Variants in GFPT1 observed in about 807,000 individuals in gnomAD.
GFPT1 encodes the protein glutamine--fructose-6-phosphate aminotransferase [isomerizing] 1.
In GFPT1, 40 loss-of-function variants were observed where a neutral mutation model predicts 92.0. The observed-to-expected ratio is 0.43, with a 90% CI of 0.34 to 0.57. The LOEUF is 0.57. Among genes scored for constraint, GFPT1 ranks in the 20% least tolerant of loss-of-function variants. The pLI is 0.02. For synonymous variants in GFPT1, 269 were observed against 280.6 expected (o/e 0.96, Z 0.41); for missense variants, 448 against 869.1 (o/e 0.52, Z 6.09).
chr2:69,347,971 CATTA>C lies in GFPT1; in HGVS notation c.1009+196_1009+199del, dbSNP rs147340762. 7.2e-3 allele frequency among the ~76,000 whole-genome samples: 1,090 copies of C among 152,274 alleles called. 6 individuals carry two copies. The highest frequency in any genetic ancestry group is 0.027 in the Middle Eastern group (8 of 294). ...TTTTATAATGTTACAAATAACAAAT[CATTA>C]ATTAGTTTGAAGACGATTGTAAAAA... On this transcript the variant is annotated intron_variant, in intron 11 of 19. Transcript: ENST00000357308.
In GFPT1 at chr2:69,374,030, C is replaced by G; in HGVS notation, c.91G>C (p.Glu31Gln). The G allele has an allele frequency of 6.4e-7, 1 of 1,560,666 alleles. No individual in the cohort carries two copies. Among genetic ancestry groups the G allele is most frequent in the Non-Finnish European group, 8.8e-7 (1 of 1,132,124 alleles). ...CCAGCAGAATCATATCCTCTGTACT[C>G]CAGTCTCTGAAGGCCTTTGATTAGG... The part of the protein sequence containing the change: ...ETLIKGLQRL[E>Q]YRGYDSAGVG... The change falls in exon 2 of 20, where the codon GAG (glutamate) becomes CAG (glutamine). Residue 31 changes from glutamate (E) to glutamine (Q), a missense_variant. Coordinates refer to ENST00000357308, the MANE Select transcript of GFPT1 (RefSeq NM_001244710.2).
At position 69,363,800 on chromosome 2, in the gene GFPT1, G is replaced by A. The variant is rs1017958176; in HGVS notation, c.224-130C>T. On this transcript the variant is annotated intron_variant, in intron 3 of 19. Transcript: ENST00000357308. The stretch of plus-strand genomic sequence containing the variant: ...TACAATCACTGAAACTAAAGATCAG[G>A]CATATTCAAAATAGTGATTAAAAGA... The A allele has an allele frequency of 1.3e-5, 10 of 743,480 alleles. No individual in the cohort carries two copies. The African/African-American group carries it at 1.6e-4, about 12-fold the overall frequency. 46.1% of individuals were successfully genotyped at this position (743,480 alleles called of 1,614,324 possible). A position where few individuals can be genotyped will look rare whatever the true frequency, so the allele number is the denominator to read the frequency against.
In GFPT1 at chr2:69,356,563, G is replaced by A; in HGVS notation, c.544-6C>T. 6.2e-7 allele frequency: 1 copy of A among 1,609,450 alleles called. No homozygotes were observed. Among genetic ancestry groups the A allele is most frequent in the Non-Finnish European group, 8.5e-7 (1 of 1,175,848 alleles). On this transcript the variant is annotated splice_region_variant and splice_polypyrimidine_tract_variant and intron_variant, in intron 6 of 19. Transcript: ENST00000357308. The stretch of plus-strand genomic sequence containing the variant: ...ACAAGTGCAAAAGCACCTTCCTAGG[G>A]AGGGAAAAAAATCCATTAGCACTAT...
intron 4 of GFPT1, among the ~76,000 whole-genome samples, chr2:69,360,589 C>T (rs1199279194): frequency 6.6e-6 from 1 of 152,002 alleles, no homozygotes; most frequent in Non-Finnish European, 1.5e-5. Flanking sequence ...CAGCTGCTTA[C>T]ACCACACTCA....
chr2:69,346,632 T>C (rs1196570782), intron 11 of GFPT1, among the ~76,000 whole-genome samples: 2 of 152,094 alleles, frequency 1.3e-5, no homozygotes, highest in Admixed American at 6.5e-5. Flanking sequence ...ATCTATAAAA[T>C]AAGAGACCAA....
chr2:69,320,196 C>T lies in GFPT1; in HGVS notation c.*5993G>A, dbSNP rs945284205. On this transcript the variant is annotated 3_prime_UTR_variant, in exon 20 of 20. Coordinates refer to ENST00000357308, the MANE Select transcript of GFPT1 (RefSeq NM_001244710.2). ...CTGATAACATCTAGACCTTTGCAGA[C>T]GTTTAGAGTACTGTACAATCTTAAA... is the stretch of plus-strand genomic sequence containing the variant. The T allele has an allele frequency of 1.3e-5, 2 of 152,170 alleles. No homozygotes were observed. The highest frequency in any genetic ancestry group is 2.4e-5 in the African/African-American group (1 of 41,428). The allele number at this position is 152,170 out of a possible 1,614,324, so 9.4% of individuals were successfully genotyped here.
chr2:69,374,237 A>G (rs934656160), intron 1 of GFPT1, 124 bp from the exon 2 acceptor site: 1 of 564,930 alleles, frequency 1.8e-6, no homozygotes, highest in Non-Finnish European at 3.2e-6. Context: ...AAACCGTTTA[A>G]AGGCAATGGA....
intron 1 of GFPT1, among the ~76,000 whole-genome samples, chr2:69,376,708 ACT>A (rs367837585): frequency 3.3e-5 from 5 of 152,156 alleles, no homozygotes; most frequent in East Asian, 1.9e-4. Context: ...TCACTCCTAA[ACT>A]CTCTCTTTTT....
At chr2:69,337,565 T>C (rs1040060281) in intron 15 of GFPT1, among the ~76,000 whole-genome samples, 7 of 152,236 alleles carry the variant, frequency 4.6e-5, no homozygotes, top group African/African-American at 1.4e-4. Context: ...ACTTGTTATG[T>C]ATCCTACTGT....
At chr2:69,338,081 A>G in intron 14 of GFPT1, 26 bp from the exon 15 acceptor site, 1 of 1,609,724 alleles carries the variant, frequency 6.2e-7, no homozygotes, top group Non-Finnish European at 8.5e-7. Flanking sequence ...GCCAACCATA[A>G]CACACAGAAC....
rs1299292871 is a variant in GFPT1 at position 69,322,304 on chromosome 2, T to C, written c.*3885A>G. 6.6e-6 allele frequency: 1 copy of C among 152,192 alleles called. No individual in the cohort carries two copies. The highest frequency in any genetic ancestry group is 1.5e-5 in the Non-Finnish European group (1 of 68,018). The allele number at this position is 152,192 out of a possible 1,614,324, so 9.4% of individuals were successfully genotyped here. The stretch of plus-strand genomic sequence containing the variant: ...TTTTCAATAATACTTTCAATGACAT[T>C]GTGCTTCTTTAGAAAAATCACTTAA... On this transcript the variant is annotated 3_prime_UTR_variant, in exon 20 of 20. Coordinates refer to ENST00000357308, the MANE Select transcript of GFPT1 (RefSeq NM_001244710.2).
At chr2:69,336,059 A>C (rs2104612774) in intron 15 of GFPT1, among the ~76,000 whole-genome samples, 1 of 148,940 alleles carries the variant, frequency 6.7e-6, no homozygotes, top group Admixed American at 6.7e-5. Flanking sequence ...GTGGGGGGCC[A>C]GGTACAGTGT....
intron 12 of GFPT1, among the ~76,000 whole-genome samples, chr2:69,343,770 C>T (rs779152629): frequency 6.6e-6 from 1 of 152,124 alleles, no homozygotes; most frequent in African/African-American, 2.4e-5. Flanking sequence ...ATGTGTTTTA[C>T]TTTTTATCTT....
At chr2:69,366,138 C>G (rs1218694009) in intron 3 of GFPT1, among the ~76,000 whole-genome samples, 1 of 152,148 alleles carries the variant, frequency 6.6e-6, no homozygotes, top group African/African-American at 2.4e-5. Context: ...TTTAAGCTAA[C>G]TATAATTAAA....
chr2:69,358,232 A>T, intron 6 of GFPT1, 97 bp downstream of exon 6: 1 of 1,048,766 alleles, frequency 9.5e-7, no homozygotes, highest in Non-Finnish European at 1.5e-6. Context: ...AGCCAAAAAT[A>T]AAAAAATAGC....
intron 3 of GFPT1, among the ~76,000 whole-genome samples, chr2:69,368,683 T>G (rs1671669495): frequency 6.6e-6 from 1 of 151,506 alleles, no homozygotes; most frequent in Non-Finnish European, 1.5e-5. Context: ...GAACCAAGAT[T>G]GCACCATTGC....
At chr2:69,375,066 C>T (rs918746192) in intron 1 of GFPT1, among the ~76,000 whole-genome samples, 1 of 152,054 alleles carries the variant, frequency 6.6e-6, no homozygotes, top group Non-Finnish European at 1.5e-5. Flanking sequence ...GTGAACTGAA[C>T]GGGATAAGCA....
In GFPT1 at chr2:69,345,911, G is replaced by A; in HGVS notation, c.1098C>T (p.Asp366=). ...TAATTCATATGTAATTACCAGTATA[G>A]TCATCAAAGTTGACTCTTCCTCTCA... The part of the protein sequence containing the change: ...NTMRGRVNFD[D]YTVNLGGLKD... The change falls in exon 12 of 20, where the codon GAC becomes GAT. Residue 366 remains aspartate, a synonymous_variant. Coordinates refer to ENST00000357308, the MANE Select transcript of GFPT1 (RefSeq NM_001244710.2). The A allele has an allele frequency of 6.7e-7, 1 of 1,492,428 alleles. No homozygotes were observed. The highest frequency in any genetic ancestry group is 9.4e-7 in the Non-Finnish European group (1 of 1,069,288). The allele number at this position is 1,492,428 out of a possible 1,614,324, so 92.4% of individuals were successfully genotyped here.
chr2:69,365,047 T>C (rs1671576379), intron 3 of GFPT1, among the ~76,000 whole-genome samples: 1 of 137,892 alleles, frequency 7.3e-6, no homozygotes, highest in Admixed American at 7.2e-5. Context: ...ATTTTTCATA[T>C]AAGCTATCTT....
Sources: allele counts gnomAD v4.1 joint callset (sites outside exome capture counted in the v4.1 genomes callset), GRCh38; gene constraint gnomAD v4.1.1; transcripts MANE v1.5; gene names NCBI Gene and HGNC (gene_info 2026-07-23, HGNC 2026-07-21).